DNAJC3: variants seen among roughly 807,000 people sequenced by gnomAD.
DNAJC3 encodes DnaJ heat shock protein family (Hsp40) member C3, also known as dnaJ homolog subfamily C member 3.
DNAJC3 carries 38 observed loss-of-function variants against 68.6 expected under a neutral mutation model. The observed-to-expected ratio is 0.55, with a 90% CI of 0.43 to 0.73. DNAJC3 has a LOEUF of 0.73. Among genes scored for constraint, DNAJC3 ranks in the 30% least tolerant of loss-of-function variants. The pLI is 0.00. For synonymous variants in DNAJC3, 203 were observed against 204.0 expected (o/e 1.00, Z 0.04); for missense variants, 526 against 591.9 (o/e 0.89, Z 1.16).
chr13:95,775,392 C>T (rs1468463346), intron 9 of DNAJC3, among the ~76,000 whole-genome samples: 2 of 152,164 alleles, frequency 1.3e-5, no homozygotes, highest in East Asian at 3.8e-4. Context: ...CTGAGTAGAC[C>T]TCACTAGTTC....
intron 5 of DNAJC3, 121 bp downstream of exon 5, chr13:95,757,917 C>A: frequency 1.8e-6 from 2 of 1,101,930 alleles, no homozygotes; most frequent in Non-Finnish European, 2.5e-6. Flanking sequence ...GGTCCTTGGG[C>A]TTTTGCCTCT....
chr13:95,712,921 A>G (rs886267300), intron 2 of DNAJC3, among the ~76,000 whole-genome samples: 9 of 152,154 alleles, frequency 5.9e-5, no homozygotes, highest in African/African-American at 1.7e-4. Context: ...TAATTTAATC[A>G]TGGGGGTGGT....
intron 4 of DNAJC3, among the ~76,000 whole-genome samples, chr13:95,748,673 G>T (rs1057003776): frequency 6.6e-6 from 1 of 152,108 alleles, no homozygotes; most frequent in African/African-American, 2.4e-5. Flanking sequence ...AAAATTAGCT[G>T]GGCATGTTGG....
At chr13:95,678,854 T>C (rs1277284222) in intron 1 of DNAJC3, among the ~76,000 whole-genome samples, 2 of 152,208 alleles carry the variant, frequency 1.3e-5, no homozygotes, top group Non-Finnish European at 2.9e-5. Context: ...CCTGTGGTAT[T>C]TTCCATAAGA....
chr13:95,702,130 A>G (rs1417285477), intron 1 of DNAJC3, among the ~76,000 whole-genome samples: 1 of 152,226 alleles, frequency 6.6e-6, no homozygotes, highest in African/African-American at 2.4e-5. Context: ...TTAATGTATA[A>G]TGAAACGTCC....
intron 2 of DNAJC3, among the ~76,000 whole-genome samples, chr13:95,711,102 T>C (rs529230188): frequency 2.5e-4 from 38 of 152,362 alleles, no homozygotes; most frequent in African/African-American, 8.9e-4. Flanking sequence ...TACTTTTCTT[T>C]ATGCTTTTTC....
At chr13:95,781,292 C>T (rs1442788563) in intron 9 of DNAJC3, among the ~76,000 whole-genome samples, 1 of 152,068 alleles carries the variant, frequency 6.6e-6, no homozygotes, top group African/African-American at 2.4e-5. Flanking sequence ...AGAGCCTGCC[C>T]AGCCATCCCA....
At chr13:95,775,236 C>G (rs983069895) in intron 9 of DNAJC3, among the ~76,000 whole-genome samples, 1 of 152,220 alleles carries the variant, frequency 6.6e-6, no homozygotes, top group Middle Eastern at 3.4e-3. Flanking sequence ...ACTGTAACGA[C>G]GTTTTAAATA....
At chr13:95,735,097 T>C (rs1881862687) in intron 4 of DNAJC3, among the ~76,000 whole-genome samples, 1 of 151,010 alleles carries the variant, frequency 6.6e-6, no homozygotes, top group African/African-American at 2.4e-5. Context: ...TGCGATAGTT[T>C]ACTGAGAATG....
intron 11 of DNAJC3, among the ~76,000 whole-genome samples, chr13:95,790,300 G>A (rs986885085): frequency 6.6e-6 from 1 of 152,098 alleles, no homozygotes; most frequent in Non-Finnish European, 1.5e-5. Context: ...CTTCTCCCAT[G>A]TCTCTGCATT....
chr13:95,743,499 T>G (rs1007938028), intron 4 of DNAJC3, among the ~76,000 whole-genome samples: 1 of 152,228 alleles, frequency 6.6e-6, no homozygotes, highest in Non-Finnish European at 1.5e-5. Flanking sequence ...TAAGTTAGGT[T>G]GTAGTTCATT....
At chr13:95,736,896 G>C (rs1881943271) in intron 4 of DNAJC3, among the ~76,000 whole-genome samples, 1 of 149,216 alleles carries the variant, frequency 6.7e-6, no homozygotes. Flanking sequence ...CCTGTCTTGT[G>C]CCAGTTTTCA....
chr13:95,684,111 CAG>C (rs1437338998), intron 1 of DNAJC3, among the ~76,000 whole-genome samples: 1 of 152,014 alleles, frequency 6.6e-6, no homozygotes, highest in African/African-American at 2.4e-5. Flanking sequence ...TTGGAGGACT[CAG>C]AGGAAGACAG....
intron 9 of DNAJC3, among the ~76,000 whole-genome samples, chr13:95,783,563 G>GT (rs1409683290): frequency 6.6e-6 from 1 of 152,138 alleles, no homozygotes; most frequent in Non-Finnish European, 1.5e-5. Flanking sequence ...ACTGGGAGAA[G>GT]TTTTTTATGT....
rs1387289509 is a variant in DNAJC3, at chr13:95,677,157, G to C, written c.-99G>C. 3.5e-6 allele frequency: 4 copies of C among 1,141,716 alleles called. No individual in the cohort carries two copies. Among genetic ancestry groups the C allele is most frequent in the Admixed American group, 4.3e-5 (2 of 46,312 alleles). The allele number at this position is 1,141,716 out of a possible 1,614,324, so 70.7% of individuals were successfully genotyped here. A position where few individuals can be genotyped will look rare whatever the true frequency, so the allele number is the denominator to read the frequency against. ...GGGCTCCAGAGCCACTGAGGCCTGA[G>C]CGAGAGCCGACGGCGGGCGGGCGCA... On this transcript the variant is annotated 5_prime_UTR_variant, in exon 1 of 12. Transcript: ENST00000602402.
rs1882614095 is a variant in DNAJC3, at chr13:95,755,195, C to A, written c.394-2449C>A. ...GGCACAGTGGCTCATATGTGTAATC[C>A]CGTGCTTTGGAAGGCTGAGACAGGA... On this transcript the variant is annotated intron_variant, in intron 4 of 11. Transcript: ENST00000602402. Among the ~76,000 whole-genome samples, 5 of 151,988 alleles carry A rather than the reference C, an allele frequency of 3.3e-5. No individual in the cohort carries two copies. In the South Asian group the frequency reaches 1.0e-3, roughly 32 times the overall value.
intron 7 of DNAJC3, among the ~76,000 whole-genome samples, 154 bp downstream of exon 7, chr13:95,760,952 T>C (rs1044058659): frequency 2.6e-5 from 4 of 152,176 alleles, no homozygotes; most frequent in Admixed American, 1.3e-4. Flanking sequence ...GAATTGGACA[T>C]TTTTGGAATA....
At chr13:95,763,282 C>T (rs1048336073) in intron 7 of DNAJC3, among the ~76,000 whole-genome samples, 1 of 152,140 alleles carries the variant, frequency 6.6e-6, no homozygotes, top group African/African-American at 2.4e-5. Context: ...AACTTGATCT[C>T]TGTATTGTTC....
intron 2 of DNAJC3, 139 bp from the exon 3 acceptor site, chr13:95,723,103 C>T (rs1881389157): frequency 1.2e-6 from 1 of 830,204 alleles, no homozygotes; most frequent in Non-Finnish European, 1.8e-6. Context: ...CAACATGACT[C>T]TTTTTTGATG....
Sources: allele counts gnomAD v4.1 joint callset (sites outside exome capture counted in the v4.1 genomes callset), GRCh38; gene constraint gnomAD v4.1.1; transcripts MANE v1.5; gene names NCBI Gene and HGNC (gene_info 2026-07-23, HGNC 2026-07-21).